SEMA4B: variants seen among roughly 807,000 people sequenced by gnomAD.
SEMA4B encodes the protein semaphorin-4B.
In SEMA4B, 55 loss-of-function variants were observed where a neutral mutation model predicts 88.1. That is an observed-to-expected ratio of 0.62 (90% CI 0.50 to 0.78). SEMA4B has a LOEUF of 0.78. Ranked by LOEUF, SEMA4B falls within the 30% of genes least tolerant of loss-of-function variation. The pLI, the probability that SEMA4B is intolerant of heterozygous loss-of-function variation, is 0.00. For synonymous variants in SEMA4B, 525 were observed against 473.6 expected (o/e 1.11, Z -1.41); for missense variants, 1,062 against 1,111.9 (o/e 0.96, Z 0.64).
In SEMA4B at chr15:90,212,160, AACCCCACTTCCTGG is replaced by A. The variant is rs1301269834; in HGVS notation, c.158-5278_158-5265del. ...ACTCAGAACCCCACTTCCTACTCAG[AACCCCACTTCCTGG>A]GGTGGGGAGTGGGGACCCTGCAGGT... On this transcript the variant is annotated intron_variant, in intron 1 of 13. Coordinates refer to ENST00000411539, the MANE Select transcript of SEMA4B (RefSeq NM_198925.4). The surrounding 1 kb of genome is among the most constrained non-coding windows in gnomAD (Gnocchi z 4.0). Among the ~76,000 whole-genome samples the A allele has an allele frequency of 2.6e-5, 2 of 76,384 alleles. No individual in the cohort carries two copies. Among genetic ancestry groups the A allele is most frequent in the African/African-American group, 1.3e-4 (2 of 15,844 alleles). The allele number at this position is 76,384 out of a possible 152,430, so 50.1% of individuals were successfully genotyped here.
chr15:90,197,247 G>T (rs988756375), upstream of SEMA4B, among the ~76,000 whole-genome samples: 1 of 151,908 alleles, frequency 6.6e-6, no homozygotes, highest in East Asian at 1.9e-4. Flanking sequence ...AAAATTATCC[G>T]AGTGTGGTGG....
At chr15:90,227,683 CA>C in intron 13 of SEMA4B, 41 bp downstream of exon 13, 1 of 1,601,014 alleles carries the variant, frequency 6.2e-7, no homozygotes, top group South Asian at 1.1e-5. Flanking sequence ...GAGGTGGGGA[CA>C]AGTGTGCTTG....
intron 1 of SEMA4B, among the ~76,000 whole-genome samples, chr15:90,191,718 G>A (rs1043767822): frequency 1.1e-4 from 17 of 152,228 alleles, no homozygotes; most frequent in African/African-American, 3.6e-4. Context: ...TTTGGGGAAC[G>A]GAGATGAAGC....
intron 7 of SEMA4B, among the ~76,000 whole-genome samples, 190 bp from the exon 8 acceptor site, chr15:90,223,369 T>C (rs908047): frequency 0.76 from 114,904 of 152,148 alleles, 43,893 homozygotes; most frequent in East Asian, 0.94. Flanking sequence ...TCTGCTTAGT[T>C]ACAGTAAGGA....
chr15:90,211,474 C>T (rs1418977439), intron 1 of SEMA4B, among the ~76,000 whole-genome samples: 3 of 152,196 alleles, frequency 2.0e-5, no homozygotes, highest in Non-Finnish European at 4.4e-5. Context: ...AGGGACTCGA[C>T]TCTGGCACTG....
chr15:90,205,296 A>C (rs1303165704), intron 1 of SEMA4B, among the ~76,000 whole-genome samples: 1 of 152,210 alleles, frequency 6.6e-6, no homozygotes, highest in African/African-American at 2.4e-5. Flanking sequence ...GGAAGCCCTG[A>C]TGCTGGTCGC....
chr15:90,201,254 C>T (rs1416229336), upstream of SEMA4B: 4 of 1,015,456 alleles, frequency 3.9e-6, no homozygotes, highest in South Asian at 1.4e-4. Flanking sequence ...TGCCAGCGCC[C>T]GGGAAGGAGG....
intron 3 of SEMA4B, chr15:90,219,557 GA>G (rs1295395898): frequency 1.1e-5 from 5 of 466,240 alleles, no homozygotes; most frequent in Non-Finnish European, 1.9e-5. Context: ...TAGGCCGAAG[GA>G]AAGTTTGCCA....
At chr15:90,203,477 C>A (rs1467644064) in intron 1 of SEMA4B, among the ~76,000 whole-genome samples, 1 of 152,150 alleles carries the variant, frequency 6.6e-6, no homozygotes, top group Non-Finnish European at 1.5e-5. Flanking sequence ...GGTTTCATGT[C>A]CAACTCTGGA....
At chr15:90,204,264 C>G (rs1253277536) in intron 1 of SEMA4B, among the ~76,000 whole-genome samples, 6 of 152,206 alleles carry the variant, frequency 3.9e-5, no homozygotes, top group African/African-American at 1.4e-4. Flanking sequence ...TTCCTCCTGC[C>G]ACTCACTCCT....
Position 90,212,250 on chromosome 15 carries a change from G to A in SEMA4B, c.158-5189G>A, listed in dbSNP as rs1005730638. Among the ~76,000 whole-genome samples, 3 of 152,132 alleles carry A rather than the reference G, an allele frequency of 2.0e-5. No individual in the cohort carries two copies. Among genetic ancestry groups the A allele is most frequent in the Non-Finnish European group, 1.5e-5 (1 of 68,012 alleles). Reference sequence around the variant, plus strand: ...CCGTCTCCCTCCAGGGAGGGACAGGGCAGCCCCAGACCAGCCCCGGTCTGC... The same window carrying A: ...CCGTCTCCCTCCAGGGAGGGACAGGACAGCCCCAGACCAGCCCCGGTCTGC... On this transcript the variant is annotated intron_variant, in intron 1 of 13. Transcript: ENST00000411539. This position sits in a 1 kb window ranked among gnomAD's most constrained non-coding sequence, Gnocchi z 4.0.
rs1200942509 is a variant in SEMA4B, at chr15:90,225,313, G to A, written c.1437G>A (p.Val479=). The stretch of plus-strand genomic sequence containing the variant: ...GCCGGCTCCACAAGGCAGTGAGCGT[G>A]GGCCCCCGGGTGCACATCATTGAGG... The part of the protein sequence containing the change: ...GDGRLHKAVS[V]GPRVHIIEEL... Residue 479 remains valine, a synonymous_variant, in exon 11 of 14, where the codon GTG becomes GTA. Coordinates refer to ENST00000411539, the MANE Select transcript of SEMA4B (RefSeq NM_198925.4). The A allele has an allele frequency of 6.4e-7, 1 of 1,558,992 alleles. No individual in the cohort carries two copies.
At chr15:90,227,811 T>C (rs1330661035) in intron 13 of SEMA4B, 93 bp from the exon 14 acceptor site, 2 of 1,569,948 alleles carry the variant, frequency 1.3e-6, no homozygotes, top group African/African-American at 2.7e-5. Context: ...TTGCCCATCG[T>C]GGCACCAGGG....
In SEMA4B at chr15:90,201,506, G is replaced by A; in HGVS notation, c.-73G>A. Reference sequence around the variant, plus strand: ...GCGACTCGGGGGCGGACCGCGGGGCGGAGCTGCCGCCCGTGAGTCCGGCCG... The same window carrying A: ...GCGACTCGGGGGCGGACCGCGGGGCAGAGCTGCCGCCCGTGAGTCCGGCCG... On this transcript the variant is annotated 5_prime_UTR_variant, in exon 1 of 14. Transcript: ENST00000411539. The A allele has an allele frequency of 7.6e-7, 1 of 1,323,350 alleles. No individual in the cohort carries two copies. The highest frequency in any genetic ancestry group is 9.6e-7 in the Non-Finnish European group (1 of 1,041,544). The allele number at this position is 1,323,350 out of a possible 1,614,324, so 82.0% of individuals were successfully genotyped here.
chr15:90,215,473 G>A (rs140625981), intron 1 of SEMA4B, among the ~76,000 whole-genome samples: 14 of 152,126 alleles, frequency 9.2e-5, no homozygotes, highest in Non-Finnish European at 1.2e-4. Context: ...TAGATAATTC[G>A]TGTCTTTCCT....
Position 90,223,712 on chromosome 15 carries a change from C to G in SEMA4B, c.1015C>G (p.Leu339Val). The G allele has an allele frequency of 6.2e-7, 1 of 1,610,694 alleles. No individual in the cohort carries two copies. The highest frequency in any genetic ancestry group is 2.2e-5 in the East Asian group (1 of 44,798). The change falls in exon 8 of 14, where the codon CTT becomes GTT. Residue 339 changes from leucine (L) to valine (V), a missense_variant. Physicochemically the swap from Leu to Val is conservative, Grantham distance 32 (BLOSUM62 1). Coordinates refer to ENST00000411539, the MANE Select transcript of SEMA4B (RefSeq NM_198925.4). ...SPSPQDWRDT[L>V]FYGVFTSQWH... ...CAGCCCCCAGGACTGGCGTGACACC[C>G]TTTTCTATGGGGTCTTCACTTCCCA...
rs1232964506 is a variant in SEMA4B, at chr15:90,217,428, C to A, written c.158-11C>A. On this transcript the variant is annotated splice_polypyrimidine_tract_variant and intron_variant, in intron 1 of 13. Coordinates refer to ENST00000411539, the MANE Select transcript of SEMA4B (RefSeq NM_198925.4). ...GGTGGCCCCAGGTAATACCCATCTTCCTCTCCCCAGGCTCTGAAGAGCGGC... is the reference window on the plus strand; with the variant it reads ...GGTGGCCCCAGGTAATACCCATCTTACTCTCCCCAGGCTCTGAAGAGCGGC... 6.2e-7 allele frequency: 1 copy of A among 1,610,168 alleles called. No individual in the cohort carries two copies. The highest frequency in any genetic ancestry group is 1.7e-5 in the Admixed American group (1 of 59,506).
chr15:90,202,540 C>T (rs1162422288), intron 1 of SEMA4B, among the ~76,000 whole-genome samples: 1 of 152,196 alleles, frequency 6.6e-6, no homozygotes, highest in Non-Finnish European at 1.5e-5. Context: ...TCCAGCTCTT[C>T]TTGGGGCACT....
upstream of SEMA4B, among the ~76,000 whole-genome samples, chr15:90,197,067 G>T (rs1426125294): frequency 6.6e-6 from 1 of 151,962 alleles, no homozygotes; most frequent in Non-Finnish European, 1.5e-5. Flanking sequence ...AAGAATCTTG[G>T]TTCTCTTATT....
Sources: allele counts gnomAD v4.1 joint callset (sites outside exome capture counted in the v4.1 genomes callset), GRCh38; gene constraint gnomAD v4.1.1; non-coding constraint Gnocchi (gnomAD v3.1); transcripts MANE v1.5; gene names NCBI Gene and HGNC (gene_info 2026-07-23, HGNC 2026-07-21).